ABCG2: variants seen among roughly 807,000 people sequenced by gnomAD.
ABCG2 encodes broad substrate specificity ATP-binding cassette transporter ABCG2.
In ABCG2, 80 loss-of-function variants were observed where a neutral mutation model predicts 73.5. The ratio of observed to expected loss-of-function variants is 1.09; its 90% CI spans 0.91 to 1.31. The LOEUF (loss-of-function observed/expected upper bound fraction) is 1.31. Among genes scored for constraint, ABCG2 ranks in the 50% most tolerant of loss-of-function variants. The probability of loss-of-function intolerance (pLI) is 0.00; values close to 1 mark genes in which losing one functional copy is unlikely to be tolerated. For missense variants in ABCG2, 796 were observed against 786.2 expected (o/e 1.01, Z -0.15); for synonymous variants, 269 against 282.4 (o/e 0.95, Z 0.48).
chr4:88,113,243 C>A, intron 9 of ABCG2, 60 bp downstream of exon 9: 1 of 1,559,086 alleles, frequency 6.4e-7, no homozygotes, highest in South Asian at 1.2e-5. Context: ...TATCCTGAAG[C>A]AGATGATAAC....
chr4:88,220,706 A>T (rs1417159942), intron 1 of ABCG2: 3 of 152,238 alleles, frequency 2.0e-5, no homozygotes, highest in Admixed American at 2.0e-4. Context: ...TAGTTTCCAT[A>T]ATCCCCATGT....
At chr4:88,135,818 C>T (rs371779316) in intron 2 of ABCG2, among the ~76,000 whole-genome samples, 152 of 152,160 alleles carry the variant, frequency 1.0e-3, no homozygotes, top group African/African-American at 3.5e-3. Context: ...TTTTAAAAAA[C>T]GTTGAGAAGA....
At chr4:88,172,568 ACT>A (rs575447430) in intron 1 of ABCG2, among the ~76,000 whole-genome samples, 283 of 130,230 alleles carry the variant, frequency 2.2e-3, no homozygotes, top group African/African-American at 7.8e-3. Flanking sequence ...ACAGAGCAAG[ACT>A]CTGTCTCAGG....
At chr4:88,183,396 C>T (rs941028975) in intron 1 of ABCG2, among the ~76,000 whole-genome samples, 2 of 151,940 alleles carry the variant, frequency 1.3e-5, no homozygotes, top group Non-Finnish European at 1.5e-5. Context: ...GACACAACAA[C>T]TGATACTGCA....
chr4:88,183,683 G>T (rs1446153162), intron 1 of ABCG2, among the ~76,000 whole-genome samples: 1 of 151,558 alleles, frequency 6.6e-6, no homozygotes, highest in Non-Finnish European at 1.5e-5. Context: ...AAAAATAGAG[G>T]AAGAGGGAAT....
intron 1 of ABCG2, among the ~76,000 whole-genome samples, chr4:88,206,744 A>C (rs1729395445): frequency 6.6e-6 from 1 of 152,194 alleles, no homozygotes; most frequent in Non-Finnish European, 1.5e-5. Context: ...CTACCACTCT[A>C]GCCCACAGTG....
upstream of ABCG2, among the ~76,000 whole-genome samples, chr4:88,160,915 C>T (rs998527465): frequency 6.6e-6 from 1 of 151,230 alleles, no homozygotes; most frequent in African/African-American, 2.4e-5. Context: ...ACAGCTCACT[C>T]CTGTAATCCC....
intron 2 of ABCG2, among the ~76,000 whole-genome samples, chr4:88,133,508 T>C (rs886848649): frequency 1.1e-4 from 16 of 152,212 alleles, no homozygotes; most frequent in Admixed American, 7.2e-4. Context: ...GGTCATCCTT[T>C]AAGAATATGA....
intron 1 of ABCG2, among the ~76,000 whole-genome samples, chr4:88,229,986 T>C (rs1488981140): frequency 6.7e-6 from 1 of 148,860 alleles, no homozygotes; most frequent in African/African-American, 2.5e-5. Flanking sequence ...TGCATTATTA[T>C]TATTATTATT....
intron 1 of ABCG2, among the ~76,000 whole-genome samples, chr4:88,191,676 T>C (rs1057259184): frequency 2.0e-5 from 3 of 152,216 alleles, no homozygotes; most frequent in Non-Finnish European, 2.9e-5. Context: ...ACAGTAGCAT[T>C]ATCCATGGCA....
upstream of ABCG2, among the ~76,000 whole-genome samples, chr4:88,162,883 AG>A (rs1203106727): frequency 6.6e-6 from 1 of 152,152 alleles, no homozygotes; most frequent in Non-Finnish European, 1.5e-5. Flanking sequence ...TTATTTTACC[AG>A]GCAAGAGTCA....
Position 88,139,901 on chromosome 4 carries a change from G to A in ABCG2, c.95C>T (p.Thr32Ile), listed in dbSNP as rs1725506732. The change falls in exon 2 of 16, where the codon ACT (threonine) becomes ATT (isoleucine). Residue 32 changes from threonine (T) to isoleucine (I), a missense_variant. Thr to Ile is a moderately conservative substitution (Grantham distance 89). Transcript: ENST00000237612. Reference sequence around the variant, plus strand: ...ATGAAAACTTAACACAGCTCCTTCAGTAAATGCCTTCAGGTCATTGGAAGC... The same window carrying A: ...ATGAAAACTTAACACAGCTCCTTCAATAAATGCCTTCAGGTCATTGGAAGC... The part of the protein sequence containing the change: ...ATASNDLKAF[T>I]EGAVLSFHNI... The A allele has an allele frequency of 6.2e-7, 1 of 1,614,142 alleles. No individual in the cohort carries two copies. The highest frequency in any genetic ancestry group is 8.5e-7 in the Non-Finnish European group (1 of 1,180,016).
intron 1 of ABCG2, among the ~76,000 whole-genome samples, chr4:88,181,473 G>T (rs1214114086): frequency 6.6e-6 from 1 of 150,782 alleles, no homozygotes; most frequent in African/African-American, 2.4e-5. Context: ...ACTCATGTAT[G>T]TAATTCCAGC....
At chr4:88,143,580 A>G (rs997470073) in intron 1 of ABCG2, among the ~76,000 whole-genome samples, 13 of 152,106 alleles carry the variant, frequency 8.5e-5, no homozygotes, top group African/African-American at 2.9e-4. Context: ...TACAATCACA[A>G]TCTTAGAAGT....
intron 1 of ABCG2, among the ~76,000 whole-genome samples, chr4:88,181,398 C>CAAAAAAAAAAAAAAAAAAAAAAAA (rs57417105): frequency 4.2e-4 from 41 of 96,884 alleles, no homozygotes; most frequent in Non-Finnish European, 5.3e-4. Context: ...GACTCCATCT[C>CAAAAAAAAAAAAAAAAAAAAAAAA]AAAAAAAAAA....
At chr4:88,126,684 T>C (rs1257451265) in intron 5 of ABCG2, among the ~76,000 whole-genome samples, 1 of 152,174 alleles carries the variant, frequency 6.6e-6, no homozygotes, top group African/African-American at 2.4e-5. Flanking sequence ...AACCACATGA[T>C]TAACTCAATA....
intron 1 of ABCG2, among the ~76,000 whole-genome samples, chr4:88,219,330 C>G (rs1216213137): frequency 1.3e-5 from 2 of 152,118 alleles, no homozygotes; most frequent in African/African-American, 4.8e-5. Context: ...AGATCTTATG[C>G]TCGAAAAGCT....
upstream of ABCG2, chr4:88,163,745 A>C: frequency 2.4e-6 from 1 of 416,810 alleles, no homozygotes; most frequent in Non-Finnish European, 4.8e-6. Flanking sequence ...GCCATGAAGG[A>C]GATGGGAACT....
Position 88,118,156 on chromosome 4 carries a change from A to C in ABCG2, c.794T>G (p.Met265Arg). The change falls in exon 7 of 16, where the codon ATG (methionine) becomes AGG (arginine). Residue 265 changes from methionine to arginine, a missense_variant. Met to Arg is a moderately conservative substitution (Grantham distance 91). Transcript: ENST00000237612. ...SLTLLASGRL[M>R]FHGPAQEALG... ...GGCCTCCTGAGCAGGCCCGTGGAAC[A>C]TAAGTCTTCCTGAGGCCAATAAGGT... is the stretch of plus-strand genomic sequence containing the variant. 3.1e-6 allele frequency: 5 copies of C among 1,614,194 alleles called. No homozygotes were observed. Among genetic ancestry groups the C allele is most frequent in the South Asian group, 1.1e-5 (1 of 91,072 alleles).
Sources: allele counts gnomAD v4.1 joint callset (sites outside exome capture counted in the v4.1 genomes callset), GRCh38; gene constraint gnomAD v4.1.1; transcripts MANE v1.5; gene names NCBI Gene and HGNC (gene_info 2026-07-23, HGNC 2026-07-21).